Variants in GBE1 observed in about 807,000 individuals in gnomAD.
GBE1 encodes 1,4-alpha-glucan-branching enzyme.
Under a neutral mutation model 88.8 loss-of-function variants are expected in GBE1, and 70 were observed. The ratio of observed to expected loss-of-function variants is 0.79; its 90% CI spans 0.65 to 0.96. The LOEUF (loss-of-function observed/expected upper bound fraction) is 0.96, where lower values mean the gene tolerates loss of function less well. Among genes scored for constraint, GBE1 ranks in the 40% least tolerant of loss-of-function variants. GBE1 has a pLI of 0.00. For missense variants in GBE1, 872 were observed against 871.0 expected, an observed-to-expected ratio of 1.00 and a Z score of -0.01; for synonymous variants, 284 against 300.1, an observed-to-expected ratio of 0.95 and a Z score of 0.56.
chr3:81,751,499 T>C (rs960370725), intron 1 of GBE1, among the ~76,000 whole-genome samples: 6 of 152,158 alleles, frequency 3.9e-5, no homozygotes, highest in African/African-American at 1.4e-4. Flanking sequence ...CCAGTTGAAG[T>C]TTACAAGAAA....
At position 81,670,926 on chromosome 3, in the gene GBE1, T is replaced by A; in HGVS notation, c.341A>T (p.Tyr114Phe). Residue 114 changes from tyrosine to phenylalanine, a missense_variant, in exon 3 of 16, where the codon TAC (tyrosine) becomes TTC (phenylalanine). By Grantham distance (22) the Tyr-to-Phe change is conservative. Transcript: ENST00000429644. Reference sequence around the variant, plus strand: ...CCATTTTCCATAATCCAGTTTTTTGTATGGGTACGAAAATGGATTCCAACC... The same window carrying A: ...CCATTTTCCATAATCCAGTTTTTTGAATGGGTACGAAAATGGATTCCAACC... The part of the protein sequence containing the change: ...FNGWNPFSYP[Y>F]KKLDYGKWEL... 6.4e-7 allele frequency: 1 copy of A among 1,568,434 alleles called. No homozygotes were observed. Among genetic ancestry groups the A allele is most frequent in the Non-Finnish European group, 8.6e-7 (1 of 1,158,506 alleles).
chr3:81,757,382 A>T (rs531208538), intron 1 of GBE1, among the ~76,000 whole-genome samples: 84 of 152,338 alleles, frequency 5.5e-4, no homozygotes, highest in Admixed American at 9.1e-4. Flanking sequence ...CCATGATCAG[A>T]TTTGTTTATT....
intron 6 of GBE1, among the ~76,000 whole-genome samples, chr3:81,643,788 A>C (rs1380359430): frequency 6.6e-6 from 1 of 152,166 alleles, no homozygotes; most frequent in Non-Finnish European, 1.5e-5. Flanking sequence ...CAAGTCTCCC[A>C]ATAGCCAACT....
chr3:81,495,713 A>G (rs1465734245), intron 15 of GBE1, among the ~76,000 whole-genome samples: 1 of 152,180 alleles, frequency 6.6e-6, no homozygotes. Flanking sequence ...TCTTTCTTCT[A>G]AAAAACTATT....
intron 15 of GBE1, among the ~76,000 whole-genome samples, chr3:81,497,522 GTTAAA>G (rs1413811875): frequency 1.3e-5 from 2 of 152,144 alleles, no homozygotes; most frequent in Non-Finnish European, 2.9e-5. Flanking sequence ...TGCAAAAAAA[GTTAAA>G]TTAATCAATT....
chr3:81,490,698 G>C (rs556282137), intron 15 of GBE1, among the ~76,000 whole-genome samples: 11 of 151,874 alleles, frequency 7.2e-5, no homozygotes, highest in African/African-American at 2.4e-4. Context: ...GAAAACCAAT[G>C]CTCCTTACAC....
intron 2 of GBE1, among the ~76,000 whole-genome samples, chr3:81,684,745 C>T (rs1363317548): frequency 6.6e-6 from 1 of 152,146 alleles, no homozygotes; most frequent in Non-Finnish European, 1.5e-5. Context: ...CAAAATTTCT[C>T]TATGGAATTT....
chr3:81,654,532 T>A (rs1559677397), intron 3 of GBE1: 1 of 152,188 alleles, frequency 6.6e-6, no homozygotes, highest in African/African-American at 2.4e-5. Context: ...GCTCTAGGCT[T>A]CATGAAGGAA....
intron 12 of GBE1, among the ~76,000 whole-genome samples, chr3:81,566,749 T>C (rs575546061): frequency 1.4e-4 from 21 of 152,138 alleles, no homozygotes; most frequent in Non-Finnish European, 2.8e-4. Context: ...AAACCCCACT[T>C]ACAACCAACC....
At chr3:81,543,146 C>CA (rs1308026541) in intron 12 of GBE1, among the ~76,000 whole-genome samples, 2 of 151,830 alleles carry the variant, frequency 1.3e-5, no homozygotes, top group Non-Finnish European at 2.9e-5. Context: ...TTAAAAAATT[C>CA]AAAATACGGT....
At chr3:81,525,443 T>C (rs1036489673) in intron 14 of GBE1, among the ~76,000 whole-genome samples, 3 of 152,116 alleles carry the variant, frequency 2.0e-5, no homozygotes, top group Non-Finnish European at 4.4e-5. Context: ...CAGTATTTTA[T>C]TGAGGATTTT....
At chr3:81,652,781 A>G (rs998191521) in intron 3 of GBE1, among the ~76,000 whole-genome samples, 5 of 152,234 alleles carry the variant, frequency 3.3e-5, no homozygotes, top group Non-Finnish European at 5.9e-5. Context: ...ATCATAATAA[A>G]TCTAAATAAA....
intron 12 of GBE1, among the ~76,000 whole-genome samples, chr3:81,553,539 T>C (rs1344646047): frequency 6.6e-6 from 1 of 151,860 alleles, no homozygotes; most frequent in African/African-American, 2.4e-5. Context: ...AAGTCAATGA[T>C]GTCTGCTTCC....
At chr3:81,721,233 A>T (rs1333206564) in intron 1 of GBE1, among the ~76,000 whole-genome samples, 6 of 103,632 alleles carry the variant, frequency 5.8e-5, no homozygotes, top group African/African-American at 2.7e-4. Flanking sequence ...ATAAATAAAT[A>T]AAAACACATG....
intron 1 of GBE1, among the ~76,000 whole-genome samples, chr3:81,739,334 T>G (rs1334529408): frequency 6.6e-6 from 1 of 152,102 alleles, no homozygotes; most frequent in East Asian, 1.9e-4. Context: ...TTTATATATG[T>G]AAAGCAAAAT....
chr3:81,715,215 C>G lies in GBE1; in HGVS notation c.144-9602G>C, dbSNP rs572498126. ...TGACCAGCTATAAAAGGAGATATAT[C>G]GTCTCACTTGAGAATTCAATGCATC... On this transcript the variant is annotated intron_variant, in intron 1 of 15. Transcript: ENST00000429644. Among the ~76,000 whole-genome samples, 12 of 152,212 alleles carry G rather than the reference C, an allele frequency of 7.9e-5. No individual in the cohort carries two copies. In the South Asian group the frequency reaches 1.7e-3, roughly 21 times the overall value.
rs542085381 is a variant in GBE1, at chr3:81,559,385, T to C, written c.1618+18540A>G. Among the ~76,000 whole-genome samples, 74 of 151,970 alleles carry C rather than the reference T, an allele frequency of 4.9e-4. No homozygotes were observed. The East Asian group carries it at 0.012, about 26-fold the overall frequency. ...AGAAATGACAATATGAATAATGCAG[T>C]GTTGCTCAATTCTTTTTTCATTATG... On this transcript the variant is annotated intron_variant, in intron 12 of 15. Coordinates refer to ENST00000429644, the MANE Select transcript of GBE1 (RefSeq NM_000158.4).
chr3:81,531,933 C>T (rs542214399), intron 14 of GBE1, among the ~76,000 whole-genome samples: 1 of 152,008 alleles, frequency 6.6e-6, no homozygotes, highest in Non-Finnish European at 1.5e-5. Context: ...TAGGGCTGGT[C>T]TAATGGCTCT....
At chr3:81,605,154 C>G (rs543490219) in intron 7 of GBE1, among the ~76,000 whole-genome samples, 28 of 151,908 alleles carry the variant, frequency 1.8e-4, no homozygotes, top group Admixed American at 1.2e-3. Flanking sequence ...AGGAAGAAAC[C>G]AAAAAAACAT....
Sources: allele counts gnomAD v4.1 joint callset (sites outside exome capture counted in the v4.1 genomes callset), GRCh38; gene constraint gnomAD v4.1.1; transcripts MANE v1.5; gene names NCBI Gene and HGNC (gene_info 2026-07-23, HGNC 2026-07-21).